Variants in NOTCH2 observed in about 807,000 individuals in gnomAD.
The protein encoded by NOTCH2 is neurogenic locus notch homolog protein 2.
NOTCH2 carries 29 observed loss-of-function variants against 235.8 expected under a neutral mutation model. The observed-to-expected ratio is 0.12, with a 90% CI of 0.09 to 0.17. The LOEUF (loss-of-function observed/expected upper bound fraction) is 0.17, where lower values mean the gene tolerates loss of function less well. Ranked by LOEUF, NOTCH2 falls within the 10% of genes least tolerant of loss-of-function variation. The pLI is 1.00. For missense variants in NOTCH2, 2,285 were observed against 3,150.2 expected (o/e 0.73, Z 6.57); for synonymous variants, 1,086 against 1,141.5 (o/e 0.95, Z 0.98).
chr1:120,028,388 C>G (rs1170011763), intron 2 of NOTCH2, among the ~76,000 whole-genome samples: 1 of 150,706 alleles, frequency 6.6e-6, no homozygotes, highest in African/African-American at 2.4e-5. Context: ...GTATTAAGTT[C>G]CCTCCCTTAT....
chr1:119,951,459 TG>T, intron 14 of NOTCH2, among the ~76,000 whole-genome samples: 1 of 152,292 alleles, frequency 6.6e-6, no homozygotes, highest in East Asian at 1.9e-4. Context: ...GCCAATAGCT[TG>T]TTGCATGATA....
chr1:119,967,380 A>C, intron 8 of NOTCH2, 53 bp downstream of exon 8: 3 of 1,464,482 alleles, frequency 2.0e-6, no homozygotes, highest in Middle Eastern at 3.6e-4. Context: ...TACCAAGAGA[A>C]GTTCAGAACA....
intron 5 of NOTCH2, among the ~76,000 whole-genome samples, chr1:119,978,904 A>T (rs1651702471): frequency 6.6e-6 from 1 of 152,230 alleles, no homozygotes; most frequent in Non-Finnish European, 1.5e-5. Context: ...AAAAAACAAC[A>T]TGGCACCTAT....
chr1:120,034,335 CA>C (rs558577685), intron 1 of NOTCH2, among the ~76,000 whole-genome samples: 5,684 of 55,774 alleles, frequency 0.1, 186 homozygotes, highest in African/African-American at 0.28. Context: ...TCTACTCCAC[CA>C]AAAAAAAAAA....
intron 1 of NOTCH2, among the ~76,000 whole-genome samples, chr1:120,043,667 ACTTG>A (rs1168646717): frequency 6.7e-6 from 1 of 148,826 alleles, no homozygotes; most frequent in African/African-American, 2.5e-5. Flanking sequence ...CAAAACCAGG[ACTTG>A]CTTATCAAAA....
intron 2 of NOTCH2, among the ~76,000 whole-genome samples, chr1:120,017,835 T>G (rs1171216391): frequency 6.6e-6 from 1 of 151,202 alleles, no homozygotes; most frequent in Non-Finnish European, 1.5e-5. Context: ...CATTCCCTCT[T>G]GCACTTTTAT....
intron 4 of NOTCH2, chr1:119,996,474 A>T (rs1325552223): frequency 6.7e-6 from 4 of 597,514 alleles, no homozygotes; most frequent in Non-Finnish European, 1.2e-5. Context: ...GAGAGGGTAC[A>T]TGGGAGAGGG....
At chr1:120,065,725 A>G (rs1241488919) in intron 1 of NOTCH2, among the ~76,000 whole-genome samples, 2 of 152,162 alleles carry the variant, frequency 1.3e-5, no homozygotes, top group African/African-American at 2.4e-5. Flanking sequence ...GCTGACAAAG[A>G]AAGAAAAGAA....
At chr1:120,002,556 T>G in intron 3 of NOTCH2, among the ~76,000 whole-genome samples, 1 of 142,212 alleles carries the variant, frequency 7.0e-6, no homozygotes, top group Non-Finnish European at 1.5e-5. Context: ...CCTGCTGAGG[T>G]GTTTGCTGAA....
chr1:119,981,551 T>C (rs1296782224), intron 5 of NOTCH2, among the ~76,000 whole-genome samples: 2 of 152,150 alleles, frequency 1.3e-5, no homozygotes, highest in African/African-American at 2.4e-5. Context: ...GCCTGTAACA[T>C]AGCCAAGGCT....
intron 30 of NOTCH2, among the ~76,000 whole-genome samples, 167 bp from the exon 31 acceptor site, chr1:119,919,780 G>T (rs1006399165): frequency 5.3e-5 from 8 of 152,212 alleles, no homozygotes; most frequent in Admixed American, 5.2e-4. Flanking sequence ...TCCTCTGATA[G>T]TATCATTTCT....
At chr1:119,982,252 C>T (rs879989958) in intron 5 of NOTCH2, among the ~76,000 whole-genome samples, 4 of 152,160 alleles carry the variant, frequency 2.6e-5, no homozygotes, top group Non-Finnish European at 5.9e-5. Flanking sequence ...GACTCATATC[C>T]ACCTAACTTC....
chr1:119,964,388 A>G (rs922034470), intron 10 of NOTCH2, among the ~76,000 whole-genome samples: 4 of 152,226 alleles, frequency 2.6e-5, no homozygotes, highest in Non-Finnish European at 5.9e-5. Context: ...GACAAACATT[A>G]TATCTTTCCC....
chr1:119,951,478 G>A (rs1553197802), intron 14 of NOTCH2, among the ~76,000 whole-genome samples: 2 of 152,178 alleles, frequency 1.3e-5, no homozygotes, highest in Admixed American at 6.5e-5. Flanking sequence ...ATAAACATAA[G>A]CTCTTTGTAT....
Position 119,918,391 on chromosome 1 carries a change from G to A in NOTCH2, c.5929+15C>T. 1 of 1,613,794 alleles carries A rather than the reference G, an allele frequency of 6.2e-7. No individual in the cohort carries two copies. The highest frequency in any genetic ancestry group is 8.5e-7 in the Non-Finnish European group (1 of 1,179,976). On this transcript the variant is annotated intron_variant, in intron 32 of 33. Coordinates refer to ENST00000256646, the MANE Select transcript of NOTCH2 (RefSeq NM_024408.4). ...TTTGCAGGTAAGAATCCAAATCCCT[G>A]CCTTTCATCCCTACCATGGTCATCC...
intron 31 of NOTCH2, 112 bp from the exon 32 acceptor site, chr1:119,918,665 G>A (rs1223989418): frequency 9.7e-7 from 1 of 1,031,422 alleles, no homozygotes; most frequent in African/African-American, 1.6e-5. Context: ...ATTCCTGGAG[G>A]AGAGGGAAAG....
At chr1:120,010,620 C>A (rs587598383) in intron 2 of NOTCH2, among the ~76,000 whole-genome samples, 1 of 151,306 alleles carries the variant, frequency 6.6e-6, no homozygotes. Context: ...AAGGGTAAAG[C>A]ACTTAGAACA....
intron 24 of NOTCH2, among the ~76,000 whole-genome samples, chr1:119,926,059 C>G (rs979139095): frequency 6.6e-6 from 1 of 152,224 alleles, no homozygotes; most frequent in Non-Finnish European, 1.5e-5. Flanking sequence ...GAGCTTCCCT[C>G]TACTTTAAGA....
At chr1:119,971,304 C>T (rs1336603101) in intron 5 of NOTCH2, among the ~76,000 whole-genome samples, 1 of 152,226 alleles carries the variant, frequency 6.6e-6, no homozygotes, top group Non-Finnish European at 1.5e-5. Context: ...CGGCATAACC[C>T]TTCCATGCTC....
Sources: gnomAD v4.1 joint callset for allele counts (sites outside exome capture counted in the v4.1 genomes callset) on GRCh38, gnomAD v4.1.1 for gene constraint, MANE v1.5 for transcripts, NCBI Gene and HGNC (gene_info 2026-07-23, HGNC 2026-07-21) for gene names.